CDH13: variants seen among roughly 807,000 people sequenced by gnomAD.
The protein encoded by CDH13 is cadherin-13.
CDH13 carries 24 observed loss-of-function variants against 63.8 expected under a neutral mutation model. The observed-to-expected ratio is 0.38, with a 90% CI of 0.27 to 0.53. The LOEUF is 0.53. CDH13 is among the 20% of genes least tolerant of loss of function. The pLI, the probability that CDH13 is intolerant of heterozygous loss-of-function variation, is 0.85. For synonymous variants in CDH13, 503 were observed against 355.3 expected (o/e 1.42, Z -4.67); for missense variants, 1,049 against 903.1 (o/e 1.16, Z -2.07).
Position 83,053,844 on chromosome 16 carries a change from G to A in CDH13, c.366+21626G>A, listed in dbSNP as rs565028013. ...CCCTTATCTATGGGAAACACATTTCGAGACCCCGACCGGGTACCTGAAACC... is the reference window on the plus strand; with the variant it reads ...CCCTTATCTATGGGAAACACATTTCAAGACCCCGACCGGGTACCTGAAACC... On this transcript the variant is annotated intron_variant, in intron 3 of 13. Transcript: ENST00000567109. Among the ~76,000 whole-genome samples, 7 of 152,118 alleles carry A rather than the reference G, an allele frequency of 4.6e-5. No individual in the cohort carries two copies. The East Asian group carries it at 7.7e-4, about 17-fold the overall frequency.
At chr16:83,549,413 C>G (rs929134089) in intron 7 of CDH13, among the ~76,000 whole-genome samples, 1 of 152,140 alleles carries the variant, frequency 6.6e-6, no homozygotes, top group Non-Finnish European at 1.5e-5. Context: ...AAGTTGTGTG[C>G]AAGCTGAGCA....
intron 10 of CDH13, among the ~76,000 whole-genome samples, chr16:83,734,346 C>T (rs911347703): frequency 6.6e-6 from 1 of 152,092 alleles, no homozygotes; most frequent in African/African-American, 2.4e-5. Context: ...GGTGCTGCTG[C>T]AGCCAAGGAA....
intron 5 of CDH13, among the ~76,000 whole-genome samples, chr16:83,266,095 T>C (rs60928453): frequency 0.22 from 32,964 of 151,842 alleles, 3,629 homozygotes; most frequent in Middle Eastern, 0.24. Context: ...TGCCACCACG[T>C]CCGGCTAATT....
chr16:83,705,564 G>T (rs2150914997), intron 10 of CDH13, among the ~76,000 whole-genome samples: 1 of 152,316 alleles, frequency 6.6e-6, no homozygotes, highest in Non-Finnish European at 1.5e-5. Flanking sequence ...GGAGCTTGCA[G>T]TGAGCCGAGA....
In CDH13 at chr16:82,958,645, G is replaced by C. The variant is rs1254291785; in HGVS notation, c.158-73365G>C. Among the ~76,000 whole-genome samples the C allele has an allele frequency of 3.3e-5, 5 of 152,212 alleles. 1 individual carries two copies. The highest frequency in any genetic ancestry group is 7.2e-5 in the African/African-American group (3 of 41,458). Reference sequence around the variant, plus strand: ...TATTAAACAGGCATTAGATAGCCAGGTCTGAAGCTCTGTAGAGAAGTGTAA... The same window carrying C: ...TATTAAACAGGCATTAGATAGCCAGCTCTGAAGCTCTGTAGAGAAGTGTAA... On this transcript the variant is annotated intron_variant, in intron 2 of 13. Coordinates refer to ENST00000567109, the MANE Select transcript of CDH13 (RefSeq NM_001257.5).
rs16958802 is a variant in CDH13 at position 82,875,030 on chromosome 16, A to G, written c.157+16557A>G. On this transcript the variant is annotated intron_variant, in intron 2 of 13. Transcript: ENST00000567109. ...TACTCAAGAGGGAGAGAGAAGATACACCTCCCAAATAAAGGCCTGGAGTCT... is the reference window on the plus strand; with the variant it reads ...TACTCAAGAGGGAGAGAGAAGATACGCCTCCCAAATAAAGGCCTGGAGTCT... 7.2e-3 allele frequency among the ~76,000 whole-genome samples: 1,088 copies of G among 152,094 alleles called. 30 individuals are homozygous for G. Among genetic ancestry groups the G allele is most frequent in the East Asian group, 0.014 (70 of 5,164 alleles).
chr16:83,759,748 A>T (rs1913806058), intron 11 of CDH13, among the ~76,000 whole-genome samples: 1 of 151,998 alleles, frequency 6.6e-6, no homozygotes, highest in African/African-American at 2.4e-5. Flanking sequence ...GTAATAAAGC[A>T]AGACCTTATC....
intron 4 of CDH13, among the ~76,000 whole-genome samples, chr16:83,197,702 T>C (rs1413345131): frequency 4.6e-5 from 7 of 151,990 alleles, no homozygotes. Flanking sequence ...GCCTTGTATC[T>C]CAATGGTGGT....
At chr16:82,650,281 A>G (rs566238618) in intron 1 of CDH13, among the ~76,000 whole-genome samples, 1 of 152,330 alleles carries the variant, frequency 6.6e-6, no homozygotes, top group African/African-American at 2.4e-5. Context: ...AGGCTGTTCA[A>G]TAAAGCAGAG....
Position 83,125,016 on chromosome 16 carries a change from A to G in CDH13, c.367-369A>G, listed in dbSNP as rs146358781. 7.6e-3 allele frequency among the ~76,000 whole-genome samples: 1,159 copies of G among 152,308 alleles called. 10 individuals are homozygous for G. Among genetic ancestry groups the G allele is most frequent in the African/African-American group, 0.021 (864 of 41,566 alleles). ...TAAAACCAATTCTTTATTGGCTGTA[A>G]ATCAAATAAAATTTTATATCTAAGC... On this transcript the variant is annotated intron_variant, in intron 3 of 13. Transcript: ENST00000567109.
intron 6 of CDH13, among the ~76,000 whole-genome samples, chr16:83,395,293 G>A (rs1175598943): frequency 2.0e-5 from 3 of 150,992 alleles, no homozygotes; most frequent in African/African-American, 7.3e-5. Context: ...TAGCCTGGGA[G>A]ACAGAGTGAG....
chr16:83,684,838 C>T (rs1904288652), intron 10 of CDH13, among the ~76,000 whole-genome samples: 1 of 152,100 alleles, frequency 6.6e-6, no homozygotes, highest in Non-Finnish European at 1.5e-5. Flanking sequence ...CTGAACATAA[C>T]AGGAAAATTC....
chr16:82,641,099 C>G (rs1372504601), intron 1 of CDH13, among the ~76,000 whole-genome samples: 1 of 152,146 alleles, frequency 6.6e-6, no homozygotes, highest in Admixed American at 6.5e-5. Context: ...TCATGGGAAA[C>G]TGGCTTCTTG....
chr16:82,630,126 A>G (rs192845417), intron 1 of CDH13, among the ~76,000 whole-genome samples: 14 of 152,298 alleles, frequency 9.2e-5, no homozygotes, highest in Middle Eastern at 3.4e-3. Flanking sequence ...AGTGTCTTAT[A>G]GTGCTCCTGC....
intron 5 of CDH13, among the ~76,000 whole-genome samples, chr16:83,334,541 T>TA (rs56689711): frequency 0.54 from 79,822 of 147,562 alleles, 21,414 homozygotes; most frequent in South Asian, 0.62. Flanking sequence ...CTGGCTAGTT[T>TA]AAAAAAAAAA....
chr16:82,686,483 C>T (rs754761429), intron 1 of CDH13, among the ~76,000 whole-genome samples: 11 of 152,148 alleles, frequency 7.2e-5, no homozygotes, highest in African/African-American at 9.7e-5. Context: ...AATGCAGGCT[C>T]GGCTTTTCCC....
intron 4 of CDH13, among the ~76,000 whole-genome samples, chr16:83,157,277 CA>C (rs1398877844): frequency 7.0e-6 from 1 of 142,620 alleles, no homozygotes; most frequent in African/African-American, 2.6e-5. Context: ...CCCTTGCTAT[CA>C]TTTGGGTGTT....
intron 2 of CDH13, among the ~76,000 whole-genome samples, chr16:82,929,681 AAAG>A (rs2042420506): frequency 2.1e-5 from 3 of 140,164 alleles, no homozygotes; most frequent in East Asian, 2.0e-4. Flanking sequence ...AAAAAAAAAA[AAAG>A]AAGACAGCCG....
chr16:83,602,082 CA>C (rs576973198), intron 7 of CDH13, among the ~76,000 whole-genome samples: 17 of 32,296 alleles, frequency 5.3e-4, no homozygotes, highest in African/African-American at 1.9e-3. Context: ...GACTCTGTCT[CA>C]AAAAAAAAAA....
Sources: gnomAD v4.1 joint callset for allele counts (sites outside exome capture counted in the v4.1 genomes callset) on GRCh38, gnomAD v4.1.1 for gene constraint, MANE v1.5 for transcripts, NCBI Gene and HGNC (gene_info 2026-07-23, HGNC 2026-07-21) for gene names.